PTK7: variants seen among roughly 807,000 people sequenced by gnomAD.
PTK7 encodes inactive tyrosine-protein kinase 7.
PTK7 carries 39 observed loss-of-function variants against 116.6 expected under a neutral mutation model. That is an observed-to-expected ratio of 0.33 (90% confidence interval 0.26 to 0.44). The LOEUF is 0.44. Ranked by LOEUF, PTK7 falls within the 20% of genes least tolerant of loss-of-function variation. The pLI, the probability that PTK7 is intolerant of heterozygous loss-of-function variation, is 1.00. For missense variants in PTK7, 1,169 were observed against 1,425.6 expected, an observed-to-expected ratio of 0.82 and a Z score of 2.90; for synonymous variants, 546 against 563.6, an observed-to-expected ratio of 0.97 and a Z score of 0.44.
At position 43,134,728 on chromosome 6, in the gene PTK7, C is replaced by T. The variant is rs568352869; in HGVS notation, c.1228+2041C>T. Among the ~76,000 whole-genome samples, 304 of 150,676 alleles carry T rather than the reference C, an allele frequency of 2.0e-3. 2 individuals carry two copies. The highest frequency in any genetic ancestry group is 0.01 in the South Asian group (49 of 4,746). On this transcript the variant is annotated intron_variant, in intron 7 of 19. Coordinates refer to ENST00000230419, the MANE Select transcript of PTK7 (RefSeq NM_002821.5). ...CCAGGAGGCAGAGGTTGCAGTGAGT[C>T]GAGATCGTGCCATTGCACTCCAGCC...
chr6:43,078,343 G>C (rs1481928164), intron 1 of PTK7, among the ~76,000 whole-genome samples: 1 of 152,068 alleles, frequency 6.6e-6, no homozygotes, highest in Non-Finnish European at 1.5e-5. Flanking sequence ...GTCTCCTCAG[G>C]GGTGGGGGGA....
chr6:43,094,969 G>A (rs1767160953), intron 1 of PTK7, among the ~76,000 whole-genome samples: 2 of 151,298 alleles, frequency 1.3e-5, no homozygotes, highest in Admixed American at 6.6e-5. Flanking sequence ...TGCTTGAACC[G>A]GGAGGCGGAG....
chr6:43,116,303 G>C (rs58978857), intron 1 of PTK7, among the ~76,000 whole-genome samples: 3,200 of 152,266 alleles, frequency 0.021, 112 homozygotes, highest in African/African-American at 0.072. Context: ...GCCGTGAGAA[G>C]GGATGGCCAG....
Position 43,130,627 on chromosome 6 carries a change from T to C in PTK7, c.778T>C (p.Phe260Leu). The change falls in exon 5 of 20, where the codon TTT becomes CTT. Residue 260 changes from phenylalanine (F) to leucine (L), a missense_variant. Phe to Leu is a conservative substitution (Grantham distance 22). Around this residue, in one of 3 missense-constraint regions of PTK7, gnomAD observed 487 missense variants for 549.8 expected, o/e 0.89. Transcript: ENST00000230419. ...GCCACCCCCGAGCCTGCAGTGGCTC[T>C]TTGAGGATGAGACTCCCATCACTAA... ...AQPPPSLQWL[F>L]EDETPITNRS... 1 of 1,614,186 alleles carries C rather than the reference T, an allele frequency of 6.2e-7. No individual in the cohort carries two copies. The highest frequency in any genetic ancestry group is 1.1e-5 in the South Asian group (1 of 91,082).
intron 1 of PTK7, among the ~76,000 whole-genome samples, chr6:43,078,368 C>G (rs924019866): frequency 6.6e-6 from 1 of 152,182 alleles, no homozygotes; most frequent in African/African-American, 2.4e-5. Context: ...TTGTGCTCAA[C>G]AAAGGAACAT....
chr6:43,129,068 T>A lies in PTK7; in HGVS notation c.171T>A (p.Ala57=), dbSNP rs759888176. 6 of 1,614,054 alleles carry A rather than the reference T, an allele frequency of 3.7e-6. No homozygotes were observed. In the Admixed American group the frequency reaches 6.7e-5, roughly 18 times the overall value. Residue 57 remains alanine (A), a synonymous_variant, in exon 2 of 20, where the codon GCT becomes GCA. Transcript: ENST00000230419. The surrounding 1 kb of genome is among the most constrained non-coding windows in gnomAD (Gnocchi z 4.5). ...CGCTGCTTCGCTGTGAGGTTGAGGC[T>A]CCGGGCCCGGTACATGTGTACTGGC... is the stretch of plus-strand genomic sequence containing the variant. ...RRALLRCEVE[A]PGPVHVYWLL...
chr6:43,141,863 A>G lies in PTK7; in HGVS notation c.1768+46A>G, dbSNP rs372288385. 11 of 1,605,374 alleles carry G rather than the reference A, an allele frequency of 6.9e-6. No individual in the cohort carries two copies. Among genetic ancestry groups the G allele is most frequent in the South Asian group, 1.1e-5 (1 of 90,634 alleles). On this transcript the variant is annotated intron_variant, in intron 11 of 19. Coordinates refer to ENST00000230419, the MANE Select transcript of PTK7 (RefSeq NM_002821.5). This position sits in a 1 kb window ranked among gnomAD's most constrained non-coding sequence, Gnocchi z 4.9. ...TGGGGCTGGGAGGGCCCTCTGGGGT[A>G]GCACCGTGTACCCTGCCAGCCCCTT...
At chr6:43,082,340 T>A (rs1035895743) in intron 1 of PTK7, among the ~76,000 whole-genome samples, 1 of 152,098 alleles carries the variant, frequency 6.6e-6, no homozygotes, top group African/African-American at 2.4e-5. Context: ...CACGCCAGGC[T>A]AATTTTTTTG....
At position 43,130,631 on chromosome 6, in the gene PTK7, A is replaced by T; in HGVS notation, c.782A>T (p.Glu261Val). Residue 261 changes from glutamate to valine, a missense_variant, in exon 5 of 20, where the codon GAG (glutamate) becomes GTG (valine). Physicochemically the swap from Glu to Val is moderately radical, Grantham distance 121. Around this residue, in one of 3 missense-constraint regions of PTK7, gnomAD observed 487 missense variants for 549.8 expected, o/e 0.89. Transcript: ENST00000230419. ...CCCCCGAGCCTGCAGTGGCTCTTTG[A>T]GGATGAGACTCCCATCACTAACCGC... is the stretch of plus-strand genomic sequence containing the variant. ...QPPPSLQWLF[E>V]DETPITNRSR... The T allele has an allele frequency of 6.2e-7, 1 of 1,614,214 alleles. No individual in the cohort carries two copies. Among genetic ancestry groups the T allele is most frequent in the Non-Finnish European group, 8.5e-7 (1 of 1,180,032 alleles).
At chr6:43,123,273 TGA>T (rs1769070012) in intron 1 of PTK7, among the ~76,000 whole-genome samples, 1 of 152,102 alleles carries the variant, frequency 6.6e-6, no homozygotes, top group African/African-American at 2.4e-5. Context: ...TTTTCTTTAA[TGA>T]GAGAGAGAAG....
In PTK7 at chr6:43,132,598, A is replaced by G. The variant is rs367765611; in HGVS notation, c.1139A>G (p.Asn380Ser). Reference protein sequence around the residue: ...YQKGHELVLANIAESDAGVYT... With the variant: ...YQKGHELVLASIAESDAGVYT... The stretch of plus-strand genomic sequence containing the variant: ...AAGGGCCACGAGCTGGTGTTGGCCA[A>G]TATTGCTGAAAGTGATGCTGGTGTC... Residue 380 changes from asparagine (N) to serine (S), a missense_variant, in exon 7 of 20, where the codon AAT becomes AGT. Around this residue, in one of 3 missense-constraint regions of PTK7, gnomAD observed 487 missense variants for 549.8 expected, o/e 0.89. Coordinates refer to ENST00000230419, the MANE Select transcript of PTK7 (RefSeq NM_002821.5). 19 of 1,611,836 alleles carry G rather than the reference A, an allele frequency of 1.2e-5. No individual in the cohort carries two copies. In the African/African-American group the frequency reaches 1.5e-4, roughly 12 times the overall value.
At chr6:43,115,659 G>T (rs933422598) in intron 1 of PTK7, among the ~76,000 whole-genome samples, 1 of 151,772 alleles carries the variant, frequency 6.6e-6, no homozygotes, top group Admixed American at 6.6e-5. Context: ...GTGGGGGCTG[G>T]GCGGGGTGGC....
chr6:43,123,365 G>A (rs1157189640), intron 1 of PTK7, among the ~76,000 whole-genome samples: 1 of 152,328 alleles, frequency 6.6e-6, no homozygotes, highest in East Asian at 1.9e-4. Context: ...CCTAAACCAG[G>A]AGTTCTAGCT....
chr6:43,102,446 G>T (rs751420520), intron 1 of PTK7, among the ~76,000 whole-genome samples: 1 of 151,632 alleles, frequency 6.6e-6, no homozygotes, highest in Non-Finnish European at 1.5e-5. Context: ...AAAATTAGCC[G>T]GTTGTGTTGG....
rs1771519150 is a variant in PTK7 at position 43,157,349 on chromosome 6, TATATATA to T, written c.2722-1467_2722-1461del. The stretch of plus-strand genomic sequence containing the variant: ...CGCTATATATATATATATATATATA[TATATATA>T]TATATATATTTTTTTTTTTCTTTTT... On this transcript the variant is annotated intron_variant, in intron 17 of 19. Coordinates refer to ENST00000230419, the MANE Select transcript of PTK7 (RefSeq NM_002821.5). Among the ~76,000 whole-genome samples the T allele has an allele frequency of 1.0e-3, 12 of 11,466 alleles. 1 individual carries two copies. Among genetic ancestry groups the T allele is most frequent in the Admixed American group, 3.3e-3 (3 of 916 alleles). The allele number at this position is 11,466 out of a possible 152,430, so 7.5% of individuals were successfully genotyped here. A position where few individuals can be genotyped will look rare whatever the true frequency, so the allele number is the denominator to read the frequency against.
intron 1 of PTK7, among the ~76,000 whole-genome samples, chr6:43,126,873 C>T (rs1464230863): frequency 6.6e-6 from 1 of 152,212 alleles, no homozygotes; most frequent in East Asian, 1.9e-4. Context: ...ACCCAGAGAA[C>T]CATCAGTGCC....
chr6:43,152,387 G>A (rs1233082075), intron 17 of PTK7, among the ~76,000 whole-genome samples: 1 of 152,162 alleles, frequency 6.6e-6, no homozygotes, highest in Non-Finnish European at 1.5e-5. Context: ...AAAATTAGCC[G>A]GGCGTGGTGG....
At chr6:43,131,676 C>A (rs780986562) in intron 5 of PTK7, 26 of 341,354 alleles carry the variant, frequency 7.6e-5, no homozygotes, top group Non-Finnish European at 1.3e-4. Context: ...CCACTGGGTC[C>A]CTCCCACAAC....
intron 1 of PTK7, among the ~76,000 whole-genome samples, chr6:43,094,407 G>A (rs535338363): frequency 6.6e-6 from 1 of 152,014 alleles, no homozygotes; most frequent in Non-Finnish European, 1.5e-5. Flanking sequence ...TTGGTTATGG[G>A]GTTTATATGG....
Sources: gnomAD v4.1 joint callset for allele counts (sites outside exome capture counted in the v4.1 genomes callset) on GRCh38, gnomAD v4.1.1 for gene constraint, gnomAD v4.1.1 regional missense constraint, Gnocchi (gnomAD v3.1) non-coding constraint, MANE v1.5 for transcripts, NCBI Gene and HGNC (gene_info 2026-07-23, HGNC 2026-07-21) for gene names.